Variants in SLC4A4 observed in about 807,000 individuals in gnomAD.
SLC4A4 encodes electrogenic sodium bicarbonate cotransporter 1.
Under a neutral mutation model 111.5 loss-of-function variants are expected in SLC4A4, and 27 were observed. The ratio of observed to expected loss-of-function variants is 0.24; its 90% confidence interval spans 0.18 to 0.33. The LOEUF (loss-of-function observed/expected upper bound fraction) is 0.33. Among genes scored for constraint, SLC4A4 ranks in the 10% least tolerant of loss-of-function variants. The pLI is 1.00. For synonymous variants in SLC4A4, 443 were observed against 463.4 expected (o/e 0.96, Z 0.57); for missense variants, 909 against 1,315.5 (o/e 0.69, Z 4.78).
At chr4:71,142,865 G>GC (rs1744046452) in intron 2 of SLC4A4, among the ~76,000 whole-genome samples, 1 of 148,532 alleles carries the variant, frequency 6.7e-6, no homozygotes, top group South Asian at 2.1e-4. Context: ...GCGCAAACTG[G>GC]CCCCAAAAAT....
At chr4:71,566,910 C>G in intron 24 of SLC4A4, 94 bp from the exon 25 acceptor site, 1 of 919,240 alleles carries the variant, frequency 1.1e-6, no homozygotes, top group South Asian at 1.4e-5. Context: ...TTACTCTTAC[C>G]AGTTATGGAA....
chr4:71,334,187 C>T (rs2148882880), intron 3 of SLC4A4, among the ~76,000 whole-genome samples: 1 of 152,170 alleles, frequency 6.6e-6, no homozygotes, highest in South Asian at 2.1e-4. Flanking sequence ...CCTGGGTACC[C>T]TTGATGTTTA....
chr4:71,539,407 T>C (rs139039796), intron 18 of SLC4A4, among the ~76,000 whole-genome samples: 229 of 152,206 alleles, frequency 1.5e-3, no homozygotes, highest in African/African-American at 5.2e-3. Flanking sequence ...TAAGACTCTT[T>C]GCCAGAGTAC....
chr4:71,147,846 C>A (rs1744221415), intron 2 of SLC4A4, among the ~76,000 whole-genome samples: 1 of 152,090 alleles, frequency 6.6e-6, no homozygotes, highest in South Asian at 2.1e-4. Flanking sequence ...ATTCCACATG[C>A]CTGGTAAATG....
intron 3 of SLC4A4, among the ~76,000 whole-genome samples, chr4:71,310,306 A>G (rs1392140379): frequency 6.6e-6 from 1 of 152,162 alleles, no homozygotes; most frequent in Non-Finnish European, 1.5e-5. Flanking sequence ...AAGACAGACC[A>G]ACATTCAAAT....
chr4:71,267,627 C>G (rs2885875), intron 3 of SLC4A4, among the ~76,000 whole-genome samples: 4 of 151,900 alleles, frequency 2.6e-5, no homozygotes, highest in African/African-American at 9.7e-5. Context: ...AACCCCATCT[C>G]TACTAAAAAT....
At chr4:71,114,280 G>A (rs572243270) in intron 2 of SLC4A4, among the ~76,000 whole-genome samples, 1 of 151,920 alleles carries the variant, frequency 6.6e-6, no homozygotes, top group Admixed American at 6.6e-5. Context: ...CATGGGCAAG[G>A]ACTTCATGTC....
intron 3 of SLC4A4, among the ~76,000 whole-genome samples, chr4:71,285,481 T>C (rs1036781495): frequency 3.9e-5 from 6 of 152,134 alleles, no homozygotes; most frequent in Admixed American, 1.3e-4. Flanking sequence ...GGTGGTAGTA[T>C]TTCAGTCAAG....
At position 71,440,314 on chromosome 4, in the gene SLC4A4, T is replaced by C. The variant is rs189652594; in HGVS notation, c.808-302T>C. On this transcript the variant is annotated intron_variant, in intron 7 of 25. Transcript: ENST00000264485. Reference sequence around the variant, plus strand: ...ATAGTAGATTTTCAACAACTTTTCGTTGAGTGAATGAATATATAAATGAAT... The same window carrying C: ...ATAGTAGATTTTCAACAACTTTTCGCTGAGTGAATGAATATATAAATGAAT... Among the ~76,000 whole-genome samples, 21 of 152,308 alleles carry C rather than the reference T, an allele frequency of 1.4e-4. No homozygotes were observed. The East Asian group carries it at 2.9e-3, about 21-fold the overall frequency.
chr4:71,458,380 G>A (rs917292952), intron 12 of SLC4A4, among the ~76,000 whole-genome samples: 1 of 152,062 alleles, frequency 6.6e-6, no homozygotes, highest in African/African-American at 2.4e-5. Flanking sequence ...ATACAGAAAA[G>A]TATTTTAATT....
intron 6 of SLC4A4, among the ~76,000 whole-genome samples, chr4:71,385,790 C>T (rs149284301): frequency 4.3e-4 from 66 of 152,228 alleles, no homozygotes; most frequent in African/African-American, 1.5e-3. Flanking sequence ...CTTGCAGATT[C>T]GCCCCTCCTG....
intron 14 of SLC4A4, among the ~76,000 whole-genome samples, chr4:71,485,574 G>A (rs928389136): frequency 1.1e-5 from 1 of 94,900 alleles, no homozygotes; most frequent in African/African-American, 2.7e-5. Context: ...TAAGAACACA[G>A]ATAATAATGC....
At chr4:71,540,474 C>T (rs1026358411) in intron 18 of SLC4A4, among the ~76,000 whole-genome samples, 3 of 152,154 alleles carry the variant, frequency 2.0e-5, no homozygotes, top group African/African-American at 4.8e-5. Context: ...AATAGAACAA[C>T]CGTTTGGTTT....
At chr4:71,313,619 G>A (rs915526420) in intron 3 of SLC4A4, among the ~76,000 whole-genome samples, 108 of 152,128 alleles carry the variant, frequency 7.1e-4, no homozygotes, top group Non-Finnish European at 1.1e-3. Context: ...ATAACACCAC[G>A]TATCTACAGC....
intron 6 of SLC4A4, among the ~76,000 whole-genome samples, chr4:71,374,896 A>G (rs1016686808): frequency 6.6e-6 from 1 of 152,126 alleles, no homozygotes; most frequent in Non-Finnish European, 1.5e-5. Context: ...GCTCATCACC[A>G]AAGCTGTCTG....
At chr4:71,372,138 C>T (rs919184027) in intron 6 of SLC4A4, among the ~76,000 whole-genome samples, 1 of 152,168 alleles carries the variant, frequency 6.6e-6, no homozygotes, top group Non-Finnish European at 1.5e-5. Context: ...AAGATATTTT[C>T]AGGCCTAATG....
chr4:71,542,345 T>C (rs1391969353), intron 18 of SLC4A4, among the ~76,000 whole-genome samples: 2 of 152,118 alleles, frequency 1.3e-5, no homozygotes, highest in Admixed American at 1.3e-4. Context: ...CCTCTGCCTC[T>C]AATCTTGACC....
intron 2 of SLC4A4, among the ~76,000 whole-genome samples, chr4:71,176,711 C>T (rs925287201): frequency 1.2e-4 from 18 of 152,152 alleles, no homozygotes; most frequent in African/African-American, 4.1e-4. Flanking sequence ...GATTGGTGTA[C>T]CTGAAAGTGA....
At position 71,466,979 on chromosome 4, in the gene SLC4A4, G is replaced by GAGAGAGAGA. The variant is rs1363275518; in HGVS notation, c.1631+402_1631+403insAGAGAGAGA. ...AGAGAGAGAGAGGGAGAGAGAGAGA[G>GAGAGAGAGA]GTCTGAGTATGTCTGCCTTTCCCCA... On this transcript the variant is annotated intron_variant, in intron 13 of 25. Transcript: ENST00000264485. Among the ~76,000 whole-genome samples, 371 of 145,826 alleles carry GAGAGAGAGA rather than the reference G, an allele frequency of 2.5e-3. 1 individual carries two copies. Among genetic ancestry groups the GAGAGAGAGA allele is most frequent in the East Asian group, 5.2e-3 (24 of 4,656 alleles).
Sources: allele counts gnomAD v4.1 joint callset (sites outside exome capture counted in the v4.1 genomes callset), GRCh38; gene constraint gnomAD v4.1.1; transcripts MANE v1.5; gene names NCBI Gene and HGNC (gene_info 2026-07-23, HGNC 2026-07-21).